MAGI1: variants seen among roughly 807,000 people sequenced by gnomAD.
MAGI1 encodes the protein membrane-associated guanylate kinase, WW and PDZ domain-containing protein 1.
In MAGI1, 58 loss-of-function variants were observed where a neutral mutation model predicts 139.9. That is an observed-to-expected ratio of 0.41 (90% CI 0.34 to 0.52). The LOEUF is 0.52. MAGI1 is among the 20% of genes least tolerant of loss of function. The pLI is 0.12. For synonymous variants in MAGI1, 812 were observed against 737.9 expected (o/e 1.10, Z -1.63); for missense variants, 1,874 against 1,901.6 (o/e 0.99, Z 0.27).
At chr3:66,012,008 T>G (rs542278007) in intron 1 of MAGI1, among the ~76,000 whole-genome samples, 1 of 152,246 alleles carries the variant, frequency 6.6e-6, no homozygotes, top group South Asian at 2.1e-4. Flanking sequence ...CAATACTTCC[T>G]TTTTCCTTAG....
At chr3:65,658,089 G>A (rs925478079) in intron 1 of MAGI1, among the ~76,000 whole-genome samples, 1 of 152,158 alleles carries the variant, frequency 6.6e-6, no homozygotes. Context: ...GAAGTCACAC[G>A]AAGGAAAATC....
chr3:65,964,346 AG>A (rs2064625885), intron 1 of MAGI1, among the ~76,000 whole-genome samples: 1 of 152,172 alleles, frequency 6.6e-6, no homozygotes, highest in Admixed American at 6.5e-5. Flanking sequence ...GACCCTACAA[AG>A]GAGAAAGAAA....
intron 1 of MAGI1, among the ~76,000 whole-genome samples, chr3:65,749,917 T>G (rs1576994569): frequency 6.6e-6 from 1 of 152,228 alleles, no homozygotes; most frequent in East Asian, 1.9e-4. Context: ...CAGAGCTTAC[T>G]TTTTCCACCT....
chr3:65,531,218 A>G (rs918498965), intron 2 of MAGI1, among the ~76,000 whole-genome samples: 7 of 152,066 alleles, frequency 4.6e-5, no homozygotes, highest in African/African-American at 7.2e-5. Flanking sequence ...ACAGCTTTAT[A>G]TCAATATACT....
At chr3:65,949,420 TATC>T (rs2063690914) in intron 1 of MAGI1, among the ~76,000 whole-genome samples, 1 of 152,242 alleles carries the variant, frequency 6.6e-6, no homozygotes, top group Non-Finnish European at 1.5e-5. Context: ...TGACAAATGT[TATC>T]TTCTGTCTCA....
At chr3:65,875,802 G>A (rs530278579) in intron 1 of MAGI1, among the ~76,000 whole-genome samples, 5 of 152,258 alleles carry the variant, frequency 3.3e-5, no homozygotes, top group South Asian at 4.1e-4. Context: ...CTTACTTCAC[G>A]CCACTGCTGT....
chr3:65,382,134 T>C, intron 15 of MAGI1, 65 bp from the exon 16 acceptor site: 1 of 1,306,454 alleles, frequency 7.7e-7, no homozygotes. Flanking sequence ...ATCAATAGCC[T>C]TCACATCTCT....
At chr3:65,515,351 C>T (rs2077815548) in intron 2 of MAGI1, among the ~76,000 whole-genome samples, 1 of 151,716 alleles carries the variant, frequency 6.6e-6, no homozygotes, top group South Asian at 2.1e-4. Flanking sequence ...TTAAATTAAC[C>T]ACTTTATAAA....
At chr3:65,515,185 G>C (rs1306028484) in intron 2 of MAGI1, among the ~76,000 whole-genome samples, 2 of 142,692 alleles carry the variant, frequency 1.4e-5, no homozygotes, top group Admixed American at 1.4e-4. Context: ...GGGAGGGATA[G>C]CATTGGGAGA....
chr3:65,741,580 G>C (rs1448063762), intron 1 of MAGI1, among the ~76,000 whole-genome samples: 5 of 152,156 alleles, frequency 3.3e-5, no homozygotes, highest in Non-Finnish European at 5.9e-5. Context: ...ATTTACAAAA[G>C]AACTTAAAAA....
At chr3:66,002,584 C>T (rs1278983664) in intron 1 of MAGI1, among the ~76,000 whole-genome samples, 3 of 152,086 alleles carry the variant, frequency 2.0e-5, no homozygotes, top group Admixed American at 6.6e-5. Flanking sequence ...GGCGCGATCT[C>T]GACTCACTGC....
chr3:65,669,957 C>T lies in MAGI1; in HGVS notation c.314-47869G>A, dbSNP rs542856279. On this transcript the variant is annotated intron_variant, in intron 1 of 22. Transcript: ENST00000402939. ...GGTCTGCCACTGTGGGCTTCATCTT[C>T]AACATCATCTCATCTTTTCTTAAAA... 3.9e-5 allele frequency among the ~76,000 whole-genome samples: 6 copies of T among 152,242 alleles called. 1 individual carries two copies. The South Asian group carries it at 1.2e-3, about 32-fold the overall frequency.
At chr3:65,624,153 G>A (rs1228418171) in intron 1 of MAGI1, among the ~76,000 whole-genome samples, 1 of 152,136 alleles carries the variant, frequency 6.6e-6, no homozygotes, top group Non-Finnish European at 1.5e-5. Flanking sequence ...AGAGAAACAG[G>A]AACTCAAATA....
intron 1 of MAGI1, among the ~76,000 whole-genome samples, chr3:65,644,360 T>C (rs571826551): frequency 3.4e-5 from 5 of 145,188 alleles, no homozygotes; most frequent in Non-Finnish European, 6.0e-5. Flanking sequence ...TAAAAATGAT[T>C]CAAGGAACAA....
At chr3:65,539,087 G>T (rs62255337) in intron 2 of MAGI1, among the ~76,000 whole-genome samples, 1 of 148,000 alleles carries the variant, frequency 6.8e-6, no homozygotes, top group Non-Finnish European at 1.5e-5. Flanking sequence ...GACACACGTA[G>T]CAACTACCAT....
At chr3:65,916,517 C>G (rs1430479039) in intron 1 of MAGI1, among the ~76,000 whole-genome samples, 3 of 152,078 alleles carry the variant, frequency 2.0e-5, no homozygotes, top group African/African-American at 4.8e-5. Flanking sequence ...AAAGAGGAAA[C>G]CCCTTATAAA....
Position 65,988,339 on chromosome 3 carries a change from G to T in MAGI1, c.313+49657C>A, listed in dbSNP as rs113107739. On this transcript the variant is annotated intron_variant, in intron 1 of 22. Coordinates refer to ENST00000402939, the MANE Select transcript of MAGI1 (RefSeq NM_001033057.2). ...GCATAACTGTGCTGTTGACAATGTT[G>T]GCGACTGGCCCCAGTGAAGGGGGTT... 2.6e-3 allele frequency among the ~76,000 whole-genome samples: 392 copies of T among 152,266 alleles called. 3 individuals carry two copies. Among genetic ancestry groups the T allele is most frequent in the African/African-American group, 9.0e-3 (374 of 41,536 alleles).
At chr3:65,421,678 C>T (rs1337677415) in intron 12 of MAGI1, among the ~76,000 whole-genome samples, 1 of 152,140 alleles carries the variant, frequency 6.6e-6, no homozygotes, top group Non-Finnish European at 1.5e-5. Context: ...TTAATTTAAG[C>T]TCCTTAAATA....
At position 65,391,152 on chromosome 3, in the gene MAGI1, A is replaced by G; in HGVS notation, c.2406T>C (p.Tyr802=). 6.2e-7 allele frequency: 1 copy of G among 1,614,154 alleles called. No homozygotes were observed. The highest frequency in any genetic ancestry group is 8.5e-7 in the Non-Finnish European group (1 of 1,180,014). Residue 802 remains tyrosine (Y), a synonymous_variant, in exon 14 of 23, where the codon TAT becomes TAC. Coordinates refer to ENST00000402939, the MANE Select transcript of MAGI1 (RefSeq NM_001033057.2). ...FKIWAQSRSM[Y]ENRLPDYQEQ... Reference sequence around the variant, plus strand: ...CAGGATGCTACTCACGTCGGTTTTCATACATGCTCCTGGACTGGGCCCAGA... The same window carrying G: ...CAGGATGCTACTCACGTCGGTTTTCGTACATGCTCCTGGACTGGGCCCAGA...
Sources: allele counts gnomAD v4.1 joint callset (sites outside exome capture counted in the v4.1 genomes callset), GRCh38; gene constraint gnomAD v4.1.1; transcripts MANE v1.5; gene names NCBI Gene and HGNC (gene_info 2026-07-23, HGNC 2026-07-21).